Variants in NF2 observed in about 807,000 individuals in gnomAD.
NF2 encodes the protein merlin.
Under a neutral mutation model 83.7 loss-of-function variants are expected in NF2, and 8 were observed. The ratio of observed to expected loss-of-function variants is 0.10; its 90% CI spans 0.06 to 0.17. The LOEUF is 0.17. Ranked by LOEUF, NF2 falls within the 10% of genes least tolerant of loss-of-function variation. The probability of loss-of-function intolerance (pLI) is 1.00; values close to 1 mark genes in which losing one functional copy is unlikely to be tolerated. For missense variants in NF2, 533 were observed against 744.4 expected, an observed-to-expected ratio of 0.72 and a Z score of 3.31; for synonymous variants, 266 against 269.6, an observed-to-expected ratio of 0.99 and a Z score of 0.13.
chr22:29,654,524 T>C (rs2066242732), intron 4 of NF2, 133 bp from the exon 5 acceptor site: 1 of 776,350 alleles, frequency 1.3e-6, no homozygotes, highest in African/African-American at 1.7e-5. Context: ...ACTAGCAAGG[T>C]TGAAATCTTG....
chr22:29,639,416 G>C (rs2065739755), intron 3 of NF2, among the ~76,000 whole-genome samples: 1 of 152,198 alleles, frequency 6.6e-6, no homozygotes, highest in Non-Finnish European at 1.5e-5. Context: ...AGATGAAATT[G>C]TGAAGGTGTG....
chr22:29,671,083 G>T (rs558185723), intron 10 of NF2, among the ~76,000 whole-genome samples: 4 of 152,310 alleles, frequency 2.6e-5, no homozygotes, highest in Admixed American at 2.0e-4. Context: ...GAGATGGCTT[G>T]CCTGCCCAGA....
At chr22:29,676,038 G>A (rs896513756) in intron 13 of NF2, among the ~76,000 whole-genome samples, 12 of 152,144 alleles carry the variant, frequency 7.9e-5, no homozygotes, top group African/African-American at 2.9e-4. Flanking sequence ...GGGTTGACTG[G>A]GCCAGACAGA....
Position 29,636,601 on chromosome 22 carries a change from G to T in NF2, c.115-150G>T. 9.7e-7 allele frequency: 1 copy of T among 1,027,336 alleles called. No homozygotes were observed. Among genetic ancestry groups the T allele is most frequent in the South Asian group, 1.4e-5 (1 of 73,956 alleles). The allele number at this position is 1,027,336 out of a possible 1,614,324, so 63.6% of individuals were successfully genotyped here. On this transcript the variant is annotated intron_variant, in intron 1 of 15. Transcript: ENST00000338641. This position sits in a 1 kb window ranked among gnomAD's most constrained non-coding sequence, Gnocchi z 4.4. ...TTTTCCCACTCATGGGTTTGTAAAG[G>T]AAGCTTTAAAATTATTTAGGAATTC...
chr22:29,650,450 C>T (rs1432068394), intron 4 of NF2, among the ~76,000 whole-genome samples: 2 of 152,100 alleles, frequency 1.3e-5, no homozygotes, highest in Non-Finnish European at 2.9e-5. Context: ...AACTTACTGT[C>T]CATTTGTATT....
At chr22:29,618,420 A>ACCTT (rs1293683103) in intron 1 of NF2, among the ~76,000 whole-genome samples, 1 of 152,130 alleles carries the variant, frequency 6.6e-6, no homozygotes, top group Non-Finnish European at 1.5e-5. Context: ...GAGTCATGTT[A>ACCTT]CCTTATGCTA....
intron 3 of NF2, among the ~76,000 whole-genome samples, chr22:29,641,878 G>A (rs1198906340): frequency 2.0e-5 from 3 of 152,166 alleles, no homozygotes; most frequent in Non-Finnish European, 4.4e-5. Flanking sequence ...CATCCCCAGA[G>A]CTGCTCTTGA....
At position 29,678,396 on chromosome 22, in the gene NF2, G is replaced by T. The variant is rs913169918; in HGVS notation, c.1574+73G>T. On this transcript the variant is annotated intron_variant, in intron 14 of 15. Coordinates refer to ENST00000338641, the MANE Select transcript of NF2 (RefSeq NM_000268.4). The stretch of plus-strand genomic sequence containing the variant: ...AGTGATTGGGGCCTTGGGAAGCTGG[G>T]GCAGAGGTGAGAGGTCGCTGCAGCA... 20 of 1,588,134 alleles carry T rather than the reference G, an allele frequency of 1.3e-5. No homozygotes were observed. The Admixed American group carries it at 2.5e-4, about 20-fold the overall frequency.
chr22:29,637,570 C>CT (rs1193827864), intron 2 of NF2, among the ~76,000 whole-genome samples: 1 of 152,168 alleles, frequency 6.6e-6, no homozygotes, highest in Admixed American at 6.5e-5. Flanking sequence ...GGACCATATG[C>CT]TTTTGTCAGT....
chr22:29,698,245 G>A lies in NF2; in HGVS notation c.*3443G>A, dbSNP rs886057387. ...AACACTTCATGAGTGGCTGTGTCTT[G>A]TAATTTTGGGGACAGGTTTCTCTCT... On this transcript the variant is annotated 3_prime_UTR_variant, in exon 16 of 16. Transcript: ENST00000338641. 1.1e-4 allele frequency: 25 copies of A among 230,208 alleles called. No individual in the cohort carries two copies. Among genetic ancestry groups the A allele is most frequent in the African/African-American group, 5.5e-4 (25 of 45,118 alleles). 14.3% of individuals were successfully genotyped at this position (230,208 alleles called of 1,614,324 possible). A position where few individuals can be genotyped will look rare whatever the true frequency, so the allele number is the denominator to read the frequency against.
chr22:29,670,503 T>TTGTGTGTGTGTGTGTGTG (rs131255), intron 10 of NF2, among the ~76,000 whole-genome samples: 23 of 146,442 alleles, frequency 1.6e-4, no homozygotes, highest in East Asian at 4.0e-4. Flanking sequence ...CTTTTTGAGC[T>TTGTGTGTGTGTGTGTGTG]TGTGTGTGTG....
chr22:29,698,525 A>T lies in NF2; in HGVS notation c.*3723A>T. The T allele has an allele frequency of 5.0e-6, 1 of 200,774 alleles. No individual in the cohort carries two copies. Among genetic ancestry groups the T allele is most frequent in the Non-Finnish European group, 1.0e-5 (1 of 97,380 alleles). The allele number at this position is 200,774 out of a possible 1,614,324, so 12.4% of individuals were successfully genotyped here. A position where few individuals can be genotyped will look rare whatever the true frequency, so the allele number is the denominator to read the frequency against. On this transcript the variant is annotated 3_prime_UTR_variant, in exon 16 of 16. Coordinates refer to ENST00000338641, the MANE Select transcript of NF2 (RefSeq NM_000268.4). ...CTGCCTCCTATCAGGGCCAGATCAT[A>T]GAAGGCTATTTTCTATTCTGGGGAA...
In NF2 at chr22:29,673,272, C is replaced by T. The variant is rs867367858; in HGVS notation, c.1126C>T (p.Arg376Trp). 3.8e-6 allele frequency: 6 copies of T among 1,568,038 alleles called. No homozygotes were observed. The highest frequency in any genetic ancestry group is 1.3e-5 in the African/African-American group (1 of 74,364). The part of the protein sequence containing the change: ...EATMANEALM[R>W]SEETADLLAE... ...CTAAGAGCACTGTGCCCTCCAGATG[C>T]GGTCTGAGGAGACAGCTGACCTGTT... Residue 376 changes from arginine to tryptophan, a missense_variant, in exon 12 of 16, where the codon CGG (arginine) becomes TGG (tryptophan). Arg to Trp is a moderately radical substitution (Grantham distance 101). Around this residue, in one of 3 missense-constraint regions of NF2, gnomAD observed 326 missense variants for 475.1 expected, o/e 0.69. Coordinates refer to ENST00000338641, the MANE Select transcript of NF2 (RefSeq NM_000268.4).
intron 10 of NF2, among the ~76,000 whole-genome samples, chr22:29,670,144 G>A (rs1265159358): frequency 6.6e-6 from 1 of 151,982 alleles, no homozygotes. Context: ...GACTACAAGT[G>A]CATGCTACCA....
intron 1 of NF2, among the ~76,000 whole-genome samples, chr22:29,629,601 A>G (rs1279121906): frequency 1.3e-5 from 2 of 152,240 alleles, no homozygotes; most frequent in Non-Finnish European, 2.9e-5. Flanking sequence ...CACGTGGCAC[A>G]TGTCCTGAGC....
chr22:29,643,000 C>T (rs558345271), intron 4 of NF2, among the ~76,000 whole-genome samples: 33 of 151,582 alleles, frequency 2.2e-4, no homozygotes, highest in African/African-American at 5.8e-4. Flanking sequence ...GGGTTAGCCA[C>T]GGAGTTTCAT....
intron 1 of NF2, chr22:29,608,801 C>T (rs1218854932): frequency 4.1e-6 from 1 of 245,500 alleles, no homozygotes; most frequent in African/African-American, 2.3e-5. Flanking sequence ...AAAATTGACC[C>T]AAGAAGAGAC....
In NF2 at chr22:29,695,776, C is replaced by T. The variant is rs8140096; in HGVS notation, c.*974C>T. ...AGTCTGCACGGCCCATCTGCTTCAC[C>T]TTCCCTCCCAGCCACGTGCCAGTGG... On this transcript the variant is annotated 3_prime_UTR_variant, in exon 16 of 16. Coordinates refer to ENST00000338641, the MANE Select transcript of NF2 (RefSeq NM_000268.4). This position sits in a 1 kb window ranked among gnomAD's most constrained non-coding sequence, Gnocchi z 5.4. 0.058 allele frequency: 13,670 copies of T among 233,978 alleles called. 512 individuals carry two copies. The highest frequency in any genetic ancestry group is 0.082 in the Non-Finnish European group (9,696 of 118,514). The allele number at this position is 233,978 out of a possible 1,614,324, so 14.5% of individuals were successfully genotyped here.
chr22:29,620,026 G>A (rs1044158197), intron 1 of NF2, among the ~76,000 whole-genome samples: 11 of 152,174 alleles, frequency 7.2e-5, no homozygotes, highest in African/African-American at 2.4e-4. Flanking sequence ...GTGGGAGGCC[G>A]GGGTGGCCAG....
Sources: gnomAD v4.1 joint callset for allele counts (sites outside exome capture counted in the v4.1 genomes callset) on GRCh38, gnomAD v4.1.1 for gene constraint, gnomAD v4.1.1 regional missense constraint, Gnocchi (gnomAD v3.1) non-coding constraint, MANE v1.5 for transcripts, NCBI Gene and HGNC (gene_info 2026-07-23, HGNC 2026-07-21) for gene names.